PPCS: variants seen among roughly 807,000 people sequenced by gnomAD.
PPCS encodes phosphopantothenate--cysteine ligase.
PPCS carries 17 observed loss-of-function variants against 24.6 expected under a neutral mutation model. That is an observed-to-expected ratio of 0.69 (90% CI 0.47 to 1.04). PPCS has a LOEUF of 1.04. Ranked by LOEUF, PPCS falls within the 50% of genes least tolerant of loss-of-function variation. The probability of loss-of-function intolerance (pLI) is 0.00; values close to 1 mark genes in which losing one functional copy is unlikely to be tolerated. For synonymous variants in PPCS, 190 were observed against 168.3 expected, an observed-to-expected ratio of 1.13 and a Z score of -1.00; for missense variants, 360 against 402.8, an observed-to-expected ratio of 0.89 and a Z score of 0.91.
At chr1:42,463,550 T>C (rs1470430710), downstream of PPCS, 1 of 152,446 alleles carries the variant, frequency 6.6e-6, no homozygotes, top group Non-Finnish European at 1.5e-5. Flanking sequence ...GCTGGAGTGA[T>C]TCCGCCTGAA....
In PPCS at chr1:42,456,967, C is replaced by T. The variant is rs759078492; in HGVS notation, c.402C>T (p.Ser134=). ...ALPGFAEALR[S]YQEAAAAGTF... ...CGGGTTTTGCTGAGGCTCTGAGGAG[C>T]TACCAGGAGGCTGCGGCTGCAGGCA... The change falls in exon 1 of 3, where the codon AGC becomes AGT. Residue 134 remains serine, a synonymous_variant. Transcript: ENST00000372561. 31 of 1,604,082 alleles carry T rather than the reference C, an allele frequency of 1.9e-5. 1 individual carries two copies. The South Asian group carries it at 3.4e-4, about 18-fold the overall frequency.
intron 2 of PPCS, among the ~76,000 whole-genome samples, chr1:42,466,790 G>A (rs1236299279): frequency 6.6e-6 from 1 of 152,146 alleles, no homozygotes; most frequent in African/African-American, 2.4e-5. Context: ...GACCTCAGGT[G>A]ATCCATCTGC....
At chr1:42,457,486 C>A in intron 2 of PPCS, 136 bp downstream of exon 2, 1 of 724,986 alleles carries the variant, frequency 1.4e-6, no homozygotes, top group East Asian at 2.6e-5. Context: ...AGACACCGCC[C>A]TCCCTCATGG....
intron 2 of PPCS, chr1:42,472,990 G>T: frequency 1.3e-6 from 1 of 776,650 alleles, no homozygotes. Flanking sequence ...TAGCTTACTA[G>T]CTTTCTATTG....
At chr1:42,463,567 T>C (rs1176711774), downstream of PPCS, 1 of 152,362 alleles carries the variant, frequency 6.6e-6, no homozygotes, top group Non-Finnish European at 1.5e-5. Flanking sequence ...TGAAGGAGAA[T>C]TCGCCCGTTT....
chr1:42,457,193 T>C, intron 1 of PPCS, 54 bp from the exon 2 acceptor site: 3 of 1,610,666 alleles, frequency 1.9e-6, no homozygotes, highest in Non-Finnish European at 2.5e-6. Context: ...GAGAAGGAGC[T>C]GATCCTATAT....
intron 2 of PPCS, among the ~76,000 whole-genome samples, chr1:42,468,236 T>C (rs1643654850): frequency 6.6e-6 from 1 of 152,184 alleles, no homozygotes; most frequent in Admixed American, 6.5e-5. Flanking sequence ...TAAAACAATC[T>C]ATAACTGGTG....
chr1:42,460,091 A>T lies in PPCS; in HGVS notation c.*165A>T, dbSNP rs1643370207. ...GGCATTTGTCTTTTAATGACACCTG[A>T]TATGATGTCATTTTGATTTTGAAAT... On this transcript the variant is annotated 3_prime_UTR_variant, in exon 3 of 3. Transcript: ENST00000372561. 1 of 1,378,284 alleles carries T rather than the reference A, an allele frequency of 7.3e-7. No individual in the cohort carries two copies. Among genetic ancestry groups the T allele is most frequent in the Admixed American group, 3.2e-5 (1 of 30,840 alleles). 85.4% of individuals were successfully genotyped at this position (1,378,284 alleles called of 1,614,324 possible).
At chr1:42,468,296 T>C (rs1643656909) in intron 2 of PPCS, among the ~76,000 whole-genome samples, 1 of 152,360 alleles carries the variant, frequency 6.6e-6, no homozygotes, top group South Asian at 2.1e-4. Flanking sequence ...TCTCCTGATA[T>C]TATAGCATCC....
intron 1 of PPCS, 70 bp from the exon 2 acceptor site, chr1:42,457,177 C>T (rs1190428043): frequency 6.2e-7 from 1 of 1,604,210 alleles, no homozygotes; most frequent in Non-Finnish European, 8.5e-7. Context: ...CTGGGGAACC[C>T]GAGTTGAGAA....
downstream of PPCS, among the ~76,000 whole-genome samples, chr1:42,463,053 C>T (rs1203908760): frequency 4.6e-5 from 7 of 152,208 alleles, no homozygotes; most frequent in African/African-American, 7.2e-5. Flanking sequence ...AAAATGTATT[C>T]GCTAAGTCGC....
chr1:42,457,283 C>T lies in PPCS; in HGVS notation c.545C>T (p.Ser182Leu). Residue 182 changes from serine to leucine, a missense_variant, in exon 2 of 3, where the codon TCA (serine) becomes TTA (leucine). Transcript: ENST00000372561. Reference protein sequence around the residue: ...SAMFYLAAAVSDFYVPVSEMP... With the variant: ...SAMFYLAAAVLDFYVPVSEMP... ...ATGTTTTACCTGGCTGCGGCTGTGT[C>T]AGATTTCTATGTTCCTGTCTCTGAA... is the stretch of plus-strand genomic sequence containing the variant. The T allele has an allele frequency of 6.2e-7, 1 of 1,614,198 alleles. No individual in the cohort carries two copies. Among genetic ancestry groups the T allele is most frequent in the Non-Finnish European group, 8.5e-7 (1 of 1,180,036 alleles).
chr1:42,459,755 G>A lies in PPCS; in HGVS notation c.765G>A (p.Val255=). The change falls in exon 3 of 3, where the codon GTG becomes GTA. Residue 255 remains valine, a synonymous_variant. Transcript: ENST00000372561. ...KALEIYQHQV[V]VANILESRQS... is the part of the protein sequence containing the mutation. ...TGGAAATTTATCAGCATCAAGTGGT[G>A]GTGGCTAATATCCTTGAGTCACGAC... The A allele has an allele frequency of 3.1e-6, 5 of 1,614,160 alleles. No individual in the cohort carries two copies. The highest frequency in any genetic ancestry group is 4.2e-6 in the Non-Finnish European group (5 of 1,180,032).
At position 42,457,083 on chromosome 1, in the gene PPCS, C is replaced by G. The variant is rs1441734626; in HGVS notation, c.508+10C>G. The G allele has an allele frequency of 6.3e-7, 1 of 1,586,046 alleles. No individual in the cohort carries two copies. Among genetic ancestry groups the G allele is most frequent in the Non-Finnish European group, 8.5e-7 (1 of 1,170,204 alleles). On this transcript the variant is annotated intron_variant, in intron 1 of 2. Transcript: ENST00000372561. ...GCACTCAATCCGCTAGGTGCGTGCC[C>G]TAGGAGTACCCCTTTTGCCTGGAAG...
chr1:42,462,078 C>T (rs907741897), downstream of PPCS, among the ~76,000 whole-genome samples: 2 of 152,160 alleles, frequency 1.3e-5, no homozygotes, highest in African/African-American at 4.8e-5. Flanking sequence ...TAATTATTAC[C>T]TCCCTTGGGA....
In PPCS at chr1:42,461,092, CTA is replaced by C. The variant is rs1643399238; in HGVS notation, c.*1167_*1168del. ...CAATTTGAAAAATTAGCATTGATGA[CTA>C]AGGTAGAAGCAGGTACTGTGTTTCA... On this transcript the variant is annotated 3_prime_UTR_variant, in exon 3 of 3. Coordinates refer to ENST00000372561, the MANE Select transcript of PPCS (RefSeq NM_024664.4). Among the ~76,000 whole-genome samples, 2 of 152,188 alleles carry C rather than the reference CTA, an allele frequency of 1.3e-5. No homozygotes were observed. Among genetic ancestry groups the C allele is most frequent in the African/African-American group, 4.8e-5 (2 of 41,440 alleles).
At chr1:42,456,364 C>A, upstream of PPCS, 1 of 649,862 alleles carries the variant, frequency 1.5e-6, no homozygotes, top group Non-Finnish European at 2.6e-6. Context: ...GCCGGGGATC[C>A]CCCTCGTTGC....
chr1:42,460,741 GA>G lies in PPCS; in HGVS notation c.*816del, dbSNP rs200853307. ...ATTAGCTTTATAAACTTAGGCATTT[GA>G]CTTAATCTCAGTGTCCACATGCATA... On this transcript the variant is annotated 3_prime_UTR_variant, in exon 3 of 3. Coordinates refer to ENST00000372561, the MANE Select transcript of PPCS (RefSeq NM_024664.4). Among the ~76,000 whole-genome samples the G allele has an allele frequency of 6.1e-3, 923 of 152,306 alleles. 6 individuals are homozygous for G. Among genetic ancestry groups the G allele is most frequent in the African/African-American group, 0.021 (861 of 41,560 alleles).
chr1:42,473,325 T>C, exon 3 of PPCS: 1 of 1,178,386 alleles, frequency 8.5e-7, no homozygotes. Flanking sequence ...TAGCATAGAA[T>C]TTTAAAGACA....
Sources: gnomAD v4.1 joint callset for allele counts (sites outside exome capture counted in the v4.1 genomes callset) on GRCh38, gnomAD v4.1.1 for gene constraint, MANE v1.5 for transcripts, NCBI Gene and HGNC (gene_info 2026-07-23, HGNC 2026-07-21) for gene names.